LTBP1: variants seen among roughly 807,000 people sequenced by gnomAD.
The protein encoded by LTBP1 is latent transforming growth factor beta binding protein 1.
LTBP1 carries 129 observed loss-of-function variants against 207.6 expected under a neutral mutation model. That is an observed-to-expected ratio of 0.62 (90% CI 0.54 to 0.72). The LOEUF (loss-of-function observed/expected upper bound fraction) is 0.72, where lower values mean the gene tolerates loss of function less well. Among genes scored for constraint, LTBP1 ranks in the 30% least tolerant of loss-of-function variants. LTBP1 has a pLI of 0.00. For missense variants in LTBP1, 2,281 were observed against 2,217.2 expected, an observed-to-expected ratio of 1.03 and a Z score of -0.58; for synonymous variants, 963 against 833.7, an observed-to-expected ratio of 1.16 and a Z score of -2.67.
Position 33,301,569 on chromosome 2 carries a change from A to G in LTBP1, c.3406A>G (p.Arg1136Gly), listed in dbSNP as rs1418003143. ...TCATCTCTGTGCTCATGGGCAGTGC[A>G]GGAACACTGAGGGCTCTTTTCAATG... ...HRHLCAHGQCRNTEGSFQCVC... is the reference protein window; with the variant it reads ...HRHLCAHGQCGNTEGSFQCVC... Residue 1136 changes from arginine (R) to glycine (G), a missense_variant, in exon 22 of 34, where the codon AGG (arginine) becomes GGG (glycine). Physicochemically the swap from Arg to Gly is moderately radical, Grantham distance 125 (BLOSUM62 -2). Coordinates refer to ENST00000404816, the MANE Select transcript of LTBP1 (RefSeq NM_206943.4). The G allele has an allele frequency of 2.5e-6, 4 of 1,612,934 alleles. No homozygotes were observed. The highest frequency in any genetic ancestry group is 1.6e-4 in the Middle Eastern group (1 of 6,080).
chr2:33,140,330 G>C (rs990432421), intron 5 of LTBP1, among the ~76,000 whole-genome samples: 5 of 152,182 alleles, frequency 3.3e-5, no homozygotes, highest in Admixed American at 3.3e-4. Flanking sequence ...TTCAGTCACT[G>C]AGTTTCTCAT....
At chr2:33,346,460 G>T (rs1032247374) in intron 25 of LTBP1, among the ~76,000 whole-genome samples, 1 of 152,062 alleles carries the variant, frequency 6.6e-6, no homozygotes, top group African/African-American at 2.4e-5. Context: ...GAGGCAGGCG[G>T]ATCACTTGAG....
At position 33,220,302 on chromosome 2, in the gene LTBP1, G is replaced by A. The variant is rs2091017360; in HGVS notation, c.1805-1778G>A. On this transcript the variant is annotated intron_variant, in intron 8 of 33. Coordinates refer to ENST00000404816, the MANE Select transcript of LTBP1 (RefSeq NM_206943.4). ...GTTTGGAAGGAAGCAGACTTTCCTT[G>A]GCTTTCTACGCTATGGTTTTGTGTT... 2.6e-5 allele frequency among the ~76,000 whole-genome samples: 4 copies of A among 151,788 alleles called. No homozygotes were observed. The South Asian group carries it at 8.3e-4, about 32-fold the overall frequency.
At chr2:33,205,142 C>T (rs1215929128) in intron 7 of LTBP1, among the ~76,000 whole-genome samples, 1 of 152,204 alleles carries the variant, frequency 6.6e-6, no homozygotes, top group Non-Finnish European at 1.5e-5. Context: ...AATGAATAAC[C>T]TATACTTGTC....
chr2:33,334,913 TA>T (rs773724430), intron 24 of LTBP1, among the ~76,000 whole-genome samples: 10,288 of 128,172 alleles, frequency 0.08, 967 homozygotes, highest in African/African-American at 0.23. Flanking sequence ...TACTAAAAAT[TA>T]AAAAAAAAAA....
chr2:33,040,504 A>C (rs780441698), intron 3 of LTBP1, among the ~76,000 whole-genome samples: 3 of 152,046 alleles, frequency 2.0e-5, no homozygotes, highest in Non-Finnish European at 4.4e-5. Flanking sequence ...GCCTTTTCCT[A>C]CTCCACAGAA....
At chr2:33,191,429 T>A (rs1336175395) in intron 7 of LTBP1, among the ~76,000 whole-genome samples, 1 of 152,256 alleles carries the variant, frequency 6.6e-6, no homozygotes, top group Admixed American at 6.5e-5. Flanking sequence ...TACTCACTCA[T>A]ACACAGCTTC....
chr2:33,389,871 C>T (rs1193862354), intron 32 of LTBP1, among the ~76,000 whole-genome samples: 1 of 152,160 alleles, frequency 6.6e-6, no homozygotes, highest in African/African-American at 2.4e-5. Context: ...AACTCCTGAC[C>T]TTGTAATCCA....
At chr2:33,201,883 A>C (rs2149103629) in intron 7 of LTBP1, among the ~76,000 whole-genome samples, 1 of 152,322 alleles carries the variant, frequency 6.6e-6, no homozygotes. Context: ...GAGATGCCAG[A>C]AGTTGTTCCA....
intron 9 of LTBP1, among the ~76,000 whole-genome samples, chr2:33,223,421 A>AC (rs1180992779): frequency 1.3e-5 from 2 of 152,192 alleles, no homozygotes; most frequent in Non-Finnish European, 2.9e-5. Context: ...ATTAGAATTA[A>AC]CCACTTAAGG....
chr2:33,292,945 A>G (rs1011096063), intron 19 of LTBP1, among the ~76,000 whole-genome samples: 2 of 152,112 alleles, frequency 1.3e-5, no homozygotes, highest in Admixed American at 1.3e-4. Flanking sequence ...TTTGGTTCCG[A>G]GTTACTTTCA....
intron 4 of LTBP1, among the ~76,000 whole-genome samples, chr2:33,114,450 A>T (rs541663060): frequency 6.6e-6 from 1 of 152,172 alleles, no homozygotes; most frequent in African/African-American, 2.4e-5. Context: ...CAGTCTCTCA[A>T]TCCACTGAAA....
chr2:33,173,642 C>T (rs993610565), intron 5 of LTBP1, among the ~76,000 whole-genome samples: 103 of 151,724 alleles, frequency 6.8e-4, no homozygotes, highest in African/African-American at 2.4e-3. Context: ...GGAATCCTCC[C>T]TAACTCATTT....
At chr2:33,386,559 T>C (rs2095266925) in intron 31 of LTBP1, among the ~76,000 whole-genome samples, 1 of 152,210 alleles carries the variant, frequency 6.6e-6, no homozygotes, top group African/African-American at 2.4e-5. Context: ...GCACGGCAGC[T>C]CGCACCTGTA....
intron 24 of LTBP1, among the ~76,000 whole-genome samples, chr2:33,321,753 C>T (rs59889310): frequency 0.013 from 1,984 of 152,232 alleles, 34 homozygotes; most frequent in Middle Eastern, 0.037. Flanking sequence ...TAAGAGTTTT[C>T]GGGTCTGAAA....
intron 2 of LTBP1, among the ~76,000 whole-genome samples, chr2:32,982,830 A>T (rs376705955): frequency 1.3e-5 from 2 of 152,226 alleles, no homozygotes; most frequent in African/African-American, 4.8e-5. Flanking sequence ...CAAAGGATGT[A>T]TGGAAATGCC....
intron 4 of LTBP1, among the ~76,000 whole-genome samples, chr2:33,119,020 G>A (rs1218154616): frequency 6.6e-6 from 1 of 152,146 alleles, no homozygotes; most frequent in Admixed American, 6.5e-5. Flanking sequence ...TCCTCGATGA[G>A]CAGCCTTCAC....
intron 9 of LTBP1, among the ~76,000 whole-genome samples, chr2:33,236,539 T>G (rs2092059756): frequency 6.6e-6 from 1 of 152,260 alleles, no homozygotes; most frequent in South Asian, 2.1e-4. Flanking sequence ...CCTCTTACTA[T>G]GCTGGGATAG....
rs181108041 is a variant in LTBP1 at position 33,152,405 on chromosome 2, A to G, written c.1201+17445A>G. ...CTGCAAGAATGACCATAATTAAAAA[A>G]TCAAAAAACAGTAGATGTTGGCGTG... is the stretch of plus-strand genomic sequence containing the variant. On this transcript the variant is annotated intron_variant, in intron 5 of 33. Coordinates refer to ENST00000404816, the MANE Select transcript of LTBP1 (RefSeq NM_206943.4). 1.0e-3 allele frequency among the ~76,000 whole-genome samples: 157 copies of G among 152,310 alleles called. 1 individual carries two copies. Among genetic ancestry groups the G allele is most frequent in the South Asian group, 2.5e-3 (12 of 4,824 alleles).
Sources: allele counts gnomAD v4.1 joint callset (sites outside exome capture counted in the v4.1 genomes callset), GRCh38; gene constraint gnomAD v4.1.1; transcripts MANE v1.5; gene names NCBI Gene and HGNC (gene_info 2026-07-23, HGNC 2026-07-21).